The following SLC37A3 variants were observed in gnomAD, a reference collection of about 807,000 sequenced individuals.
SLC37A3 encodes solute carrier family 37 member 3.
A neutral mutation model predicts 67.1 loss-of-function variants in SLC37A3; 51 were observed. The observed-to-expected ratio is 0.76, with a 90% CI of 0.61 to 0.96. SLC37A3 has a LOEUF of 0.96. Ranked by LOEUF, SLC37A3 falls within the 40% of genes least tolerant of loss-of-function variation. SLC37A3 has a pLI of 0.00. For missense variants in SLC37A3, 508 were observed against 603.0 expected (o/e 0.84, Z 1.65); for synonymous variants, 214 against 231.4 (o/e 0.92, Z 0.68).
At chr7:140,388,570 TG>T (rs1798601312) in intron 1 of SLC37A3, among the ~76,000 whole-genome samples, 1 of 151,852 alleles carries the variant, frequency 6.6e-6, no homozygotes, top group Non-Finnish European at 1.5e-5. Context: ...CCCAGCACTT[TG>T]GGAGGCTGAG....
At chr7:140,390,326 C>A (rs1798675932) in intron 1 of SLC37A3, among the ~76,000 whole-genome samples, 1 of 152,110 alleles carries the variant, frequency 6.6e-6, no homozygotes, top group Non-Finnish European at 1.5e-5. Context: ...AGCCTCGTAT[C>A]TTTCCTCTCT....
At chr7:140,395,738 C>G (rs1350747361) in intron 1 of SLC37A3, among the ~76,000 whole-genome samples, 3 of 151,874 alleles carry the variant, frequency 2.0e-5, no homozygotes, top group East Asian at 3.9e-4. Context: ...AATAAAAGAA[C>G]TAGCACACCT....
chr7:140,371,990 T>C (rs868215960), intron 3 of SLC37A3, among the ~76,000 whole-genome samples: 12 of 152,082 alleles, frequency 7.9e-5, no homozygotes, highest in African/African-American at 2.7e-4. Flanking sequence ...TAGCTGGGAT[T>C]ACAGGCGCCC....
chr7:140,383,248 T>A, intron 1 of SLC37A3, among the ~76,000 whole-genome samples: 1 of 150,736 alleles, frequency 6.6e-6, no homozygotes, highest in African/African-American at 2.4e-5. Context: ...AAAATACAGA[T>A]GTGTTTAGGC....
intron 1 of SLC37A3, among the ~76,000 whole-genome samples, chr7:140,397,386 G>T (rs1017496618): frequency 6.6e-6 from 1 of 151,696 alleles, no homozygotes; most frequent in African/African-American, 2.4e-5. Context: ...TAGAGACGGG[G>T]TTTCACCATG....
rs377013484 is a variant in SLC37A3 at position 140,343,582 on chromosome 7, T to G, written c.1175-19A>C. On this transcript the variant is annotated intron_variant, in intron 12 of 14. Coordinates refer to ENST00000326232, the MANE Select transcript of SLC37A3 (RefSeq NM_207113.3). ...AAAAATCCTGAAGTCATAAACAGGT[T>G]CTTATTAAAACACAATTCACAACCA... 1 of 1,612,820 alleles carries G rather than the reference T, an allele frequency of 6.2e-7. No homozygotes were observed. The highest frequency in any genetic ancestry group is 8.5e-7 in the Non-Finnish European group (1 of 1,179,308).
At chr7:140,340,915 G>A (rs921077809) in intron 13 of SLC37A3, among the ~76,000 whole-genome samples, 2 of 142,208 alleles carry the variant, frequency 1.4e-5, no homozygotes, top group Non-Finnish European at 3.0e-5. Context: ...CTGGGCATAA[G>A]AGCCAGATGC....
rs757390591 is a variant in SLC37A3, at chr7:140,382,424, G to A, written c.89+14C>T. 3.1e-6 allele frequency: 5 copies of A among 1,611,908 alleles called. No homozygotes were observed. Among genetic ancestry groups the A allele is most frequent in the Middle Eastern group, 1.7e-4 (1 of 6,050 alleles). On this transcript the variant is annotated intron_variant, in intron 2 of 14. Coordinates refer to ENST00000326232, the MANE Select transcript of SLC37A3 (RefSeq NM_207113.3). Reference sequence around the variant, plus strand: ...AGAAAAAAAGCAGGAGAGCAGCTTTGGCAACATGCTTACCTGAAGAAAGTG... The same window carrying A: ...AGAAAAAAAGCAGGAGAGCAGCTTTAGCAACATGCTTACCTGAAGAAAGTG...
At chr7:140,339,682 C>T (rs1272645854) in intron 13 of SLC37A3, among the ~76,000 whole-genome samples, 2 of 152,076 alleles carry the variant, frequency 1.3e-5, no homozygotes, top group South Asian at 2.1e-4. Flanking sequence ...TGCATTCCCA[C>T]CAGCAATGCA....
At chr7:140,338,141 C>T (rs992622522) in intron 13 of SLC37A3, among the ~76,000 whole-genome samples, 2 of 152,136 alleles carry the variant, frequency 1.3e-5, no homozygotes. Flanking sequence ...CCGTCCACCT[C>T]GGCCTCCCAA....
rs532539900 is a variant in SLC37A3 at position 140,380,224 on chromosome 7, A to G, written c.198+58T>C. ...AGATGCAAAAAAGAGCTTAAGAACA[A>G]TCTAGGGGTGGGCACGGTCTCCTAC... On this transcript the variant is annotated intron_variant, in intron 3 of 14. Transcript: ENST00000326232. The G allele has an allele frequency of 2.1e-5, 22 of 1,053,200 alleles. No homozygotes were observed. In the South Asian group the frequency reaches 2.8e-4, roughly 14 times the overall value. The allele number at this position is 1,053,200 out of a possible 1,614,324, so 65.2% of individuals were successfully genotyped here. A position where few individuals can be genotyped will look rare whatever the true frequency, so the allele number is the denominator to read the frequency against.
intron 1 of SLC37A3, among the ~76,000 whole-genome samples, chr7:140,388,947 G>A (rs1048910702): frequency 6.6e-6 from 1 of 152,140 alleles, no homozygotes; most frequent in Non-Finnish European, 1.5e-5. Context: ...TTTCCAGAAT[G>A]GAACACAATA....
intron 13 of SLC37A3, among the ~76,000 whole-genome samples, chr7:140,338,612 CA>C (rs1419457610): frequency 6.6e-6 from 1 of 152,052 alleles, no homozygotes; most frequent in Non-Finnish European, 1.5e-5. Flanking sequence ...GCTGGGATTA[CA>C]GGTGTGAGCC....
At chr7:140,394,052 T>C (rs1438530997) in intron 1 of SLC37A3, among the ~76,000 whole-genome samples, 2 of 152,012 alleles carry the variant, frequency 1.3e-5, no homozygotes, top group Non-Finnish European at 2.9e-5. Flanking sequence ...ACACCTGTAG[T>C]CCCAGCTACT....
chr7:140,340,359 C>T lies in SLC37A3; in HGVS notation c.1327-3010G>A, dbSNP rs1395061571. 3.3e-5 allele frequency among the ~76,000 whole-genome samples: 5 copies of T among 151,344 alleles called. No homozygotes were observed. In the East Asian group the frequency reaches 9.7e-4, roughly 29 times the overall value. On this transcript the variant is annotated intron_variant, in intron 13 of 14. Coordinates refer to ENST00000326232, the MANE Select transcript of SLC37A3 (RefSeq NM_207113.3). ...ACTTCATTCTTTTCACGTGGATATC[C>T]AGTTTTCCCAATACTATTTATTGAG... is the stretch of plus-strand genomic sequence containing the variant.
At chr7:140,381,650 AATGGCCTG>A (rs1363578581) in intron 2 of SLC37A3, among the ~76,000 whole-genome samples, 1 of 152,178 alleles carries the variant, frequency 6.6e-6, no homozygotes. Context: ...TCTAACACCC[AATGGCCTG>A]ATGTATGCTA....
intron 2 of SLC37A3, among the ~76,000 whole-genome samples, chr7:140,382,221 T>A (rs1244363450): frequency 6.6e-6 from 1 of 151,932 alleles, no homozygotes; most frequent in Non-Finnish European, 1.5e-5. Flanking sequence ...TCCTCTCCCC[T>A]CATGACCACC....
At chr7:140,340,173 A>G (rs1311387137) in intron 13 of SLC37A3, among the ~76,000 whole-genome samples, 1 of 151,882 alleles carries the variant, frequency 6.6e-6, no homozygotes, top group Non-Finnish European at 1.5e-5. Context: ...CATATTTGTC[A>G]TGAAGATTTG....
rs1325573424 is a variant in SLC37A3 at position 140,348,611 on chromosome 7, G to GT, written c.1024+14dup. On this transcript the variant is annotated intron_variant, in intron 10 of 14. Coordinates refer to ENST00000326232, the MANE Select transcript of SLC37A3 (RefSeq NM_207113.3). ...ACTAACTCTTTATTATGGAAAAGAT[G>GT]TATCACCGGCATACCTATGATCCCT... 3 of 1,592,028 alleles carry GT rather than the reference G, an allele frequency of 1.9e-6. No homozygotes were observed. The African/African-American group carries it at 4.1e-5, about 22-fold the overall frequency.
Sources: gnomAD v4.1 joint callset for allele counts (sites outside exome capture counted in the v4.1 genomes callset) on GRCh38, gnomAD v4.1.1 for gene constraint, MANE v1.5 for transcripts, NCBI Gene and HGNC (gene_info 2026-07-23, HGNC 2026-07-21) for gene names.